BRCA2: variants seen among roughly 807,000 people sequenced by gnomAD.
BRCA2 encodes the protein breast cancer type 2 susceptibility protein.
BRCA2 carries 203 observed loss-of-function variants against 276.7 expected under a neutral mutation model. That is an observed-to-expected ratio of 0.73 (90% confidence interval 0.65 to 0.82). The LOEUF (loss-of-function observed/expected upper bound fraction) is 0.82, where lower values mean the gene tolerates loss of function less well. Among genes scored for constraint, BRCA2 ranks in the 40% least tolerant of loss-of-function variants. The pLI is 0.00. For synonymous variants in BRCA2, 1,289 were observed against 1,338.4 expected, an observed-to-expected ratio of 0.96 and a Z score of 0.81; for missense variants, 3,920 against 3,915.0, an observed-to-expected ratio of 1.00 and a Z score of -0.03.
chr13:32,324,037 A>G (rs758903874), intron 3 of BRCA2, among the ~76,000 whole-genome samples: 3 of 152,214 alleles, frequency 2.0e-5, no homozygotes, highest in Admixed American at 6.5e-5. Context: ...AATTATATCC[A>G]ATTTATTCAT....
intron 3 of BRCA2, among the ~76,000 whole-genome samples, chr13:32,322,422 C>T (rs2072312246): frequency 6.6e-6 from 1 of 152,154 alleles, no homozygotes; most frequent in African/African-American, 2.4e-5. Flanking sequence ...AGCATTGTTT[C>T]TATAGATTAT....
rs876659609 is a variant in BRCA2, at chr13:32,337,910, A to G, written c.3555A>G (p.Thr1185=). 1 of 1,614,150 alleles carries G rather than the reference A, an allele frequency of 6.2e-7. No individual in the cohort carries two copies. Among genetic ancestry groups the G allele is most frequent in the Non-Finnish European group, 8.5e-7 (1 of 1,179,978 alleles). Reference sequence around the variant, plus strand: ...ACAGCAGCAAGCAATTTGAAGGTACAGTTGAAATTAAACGGAAGTTTGCTG... The same window carrying G: ...ACAGCAGCAAGCAATTTGAAGGTACGGTTGAAATTAAACGGAAGTTTGCTG... ...QVDSSKQFEG[T]VEIKRKFAGL... is the part of the protein sequence containing the mutation. The change falls in exon 11 of 27, where the codon ACA becomes ACG. Residue 1185 remains threonine, a synonymous_variant. Transcript: ENST00000380152.
chr13:32,336,694 C>G lies in BRCA2; in HGVS notation c.2339C>G (p.Ser780Ter), dbSNP rs587781471. The G allele has an allele frequency of 6.2e-7, 1 of 1,613,782 alleles. No individual in the cohort carries two copies. The highest frequency in any genetic ancestry group is 2.2e-5 in the East Asian group (1 of 44,860). ...ILTPTSKDVL[S>*]NLVMISRGKE... ...ACTCCTACTTCCAAGGATGTTCTGT[C>G]AAACCTAGTCATGATTTCTAGAGGC... The change falls in exon 11 of 27, where the codon TCA becomes TGA. Residue 780 changes from serine (S) to a stop codon, truncating the protein, a stop_gained. Transcript: ENST00000380152. LOFTEE classifies it high-confidence loss of function.
At chr13:32,389,051 G>A (rs61946971) in intron 24 of BRCA2, among the ~76,000 whole-genome samples, 23 of 152,022 alleles carry the variant, frequency 1.5e-4, no homozygotes, top group Non-Finnish European at 2.9e-4. Context: ...TATTTTTAGT[G>A]TTTTCAGGCA....
chr13:32,343,274 A>G (rs1347133202), intron 11 of BRCA2, among the ~76,000 whole-genome samples: 1 of 152,138 alleles, frequency 6.6e-6, no homozygotes, highest in Non-Finnish European at 1.5e-5. Context: ...TCTGTTTGTT[A>G]GTTGCAATTA....
chr13:32,320,355 G>C (rs2072298465), intron 3 of BRCA2, among the ~76,000 whole-genome samples: 1 of 152,058 alleles, frequency 6.6e-6, no homozygotes, highest in African/African-American at 2.4e-5. Context: ...TTGTGATCAG[G>C]CCCCTGATTT....
In BRCA2 at chr13:32,337,135, T is replaced by C; in HGVS notation, c.2780T>C (p.Met927Thr). The change falls in exon 11 of 27, where the codon ATG becomes ACG. Residue 927 changes from methionine to threonine, a missense_variant. Around this residue, in one of 2 missense-constraint regions of BRCA2, gnomAD observed 3,263 missense variants for 3,156.9 expected, o/e 1.03. Transcript: ENST00000380152. ...GAACCCATTTTCAAGAACTCTACCA[T>C]GGTTTTATATGGAGACACAGGTGAT... ...VNEPIFKNST[M>T]VLYGDTGDKQ... The C allele has an allele frequency of 1.2e-6, 2 of 1,613,860 alleles. No individual in the cohort carries two copies. The highest frequency in any genetic ancestry group is 1.7e-6 in the Non-Finnish European group (2 of 1,179,900).
chr13:32,397,760 A>G (rs909378646), intron 26 of BRCA2, among the ~76,000 whole-genome samples: 3 of 152,202 alleles, frequency 2.0e-5, no homozygotes, highest in Non-Finnish European at 4.4e-5. Context: ...GAGGTTAAGC[A>G]ATTGCCTAAT....
Position 32,337,556 on chromosome 13 carries a change from T to C in BRCA2, c.3201T>C (p.Thr1067=), listed in dbSNP as rs763800682. 1.2e-6 allele frequency: 2 copies of C among 1,607,530 alleles called. No individual in the cohort carries two copies. Among genetic ancestry groups the C allele is most frequent in the Admixed American group, 1.7e-5 (1 of 59,154 alleles). The part of the protein sequence containing the change: ...KKLSKPQSIN[T]VSAHLQSSVV... Reference sequence around the variant, plus strand: ...TGAGCAAGCCTCAGTCAATTAATACTGTATCTGCACATTTACAGAGTAGTG... The same window carrying C: ...TGAGCAAGCCTCAGTCAATTAATACCGTATCTGCACATTTACAGAGTAGTG... Residue 1067 remains threonine (T), a synonymous_variant, in exon 11 of 27, where the codon ACT becomes ACC. Transcript: ENST00000380152.
At position 32,332,365 on chromosome 13, in the gene BRCA2, A is replaced by G. The variant is rs45457795; in HGVS notation, c.887A>G (p.Tyr296Cys). 6.7e-5 allele frequency: 107 copies of G among 1,596,910 alleles called. No homozygotes were observed. The highest frequency in any genetic ancestry group is 8.9e-5 in the Non-Finnish European group (104 of 1,171,102). ...SMPNVLEDEV[Y>C]ETVVDTSEED... is the part of the protein sequence containing the mutation. ...CCAAATGTCCTAGAAGATGAAGTAT[A>G]TGAAACAGTTGTAGATACCTCTGAA... Residue 296 changes from tyrosine (Y) to cysteine (C), a missense_variant, in exon 10 of 27, where the codon TAT (tyrosine) becomes TGT (cysteine). Around this residue, in one of 2 missense-constraint regions of BRCA2, gnomAD observed 3,263 missense variants for 3,156.9 expected, o/e 1.03. Coordinates refer to ENST00000380152, the MANE Select transcript of BRCA2 (RefSeq NM_000059.4).
intron 13 of BRCA2, among the ~76,000 whole-genome samples, chr13:32,353,015 A>G (rs1350228001): frequency 3.9e-5 from 6 of 152,366 alleles, no homozygotes; most frequent in East Asian, 1.9e-4. Context: ...AGATCAATCA[A>G]TAGAAGTTTG....
intron 13 of BRCA2, among the ~76,000 whole-genome samples, chr13:32,349,120 G>A (rs2072630105): frequency 6.6e-6 from 1 of 151,458 alleles, no homozygotes; most frequent in African/African-American, 2.4e-5. Context: ...TACTCCAGAG[G>A]CTGAGGCACA....
chr13:32,346,991 TAAG>T (rs1217592248), intron 13 of BRCA2, 95 bp downstream of exon 13: 10 of 936,192 alleles, frequency 1.1e-5, no homozygotes, highest in Admixed American at 2.4e-5. Flanking sequence ...ACACTAACGT[TAAG>T]AAGTTAACAC....
In BRCA2 at chr13:32,336,923, T is replaced by C. The variant is rs1166285186; in HGVS notation, c.2568T>C (p.Asn856=). ...SRKVQFNQNT[N]LRVIQKNQEE... ...AGGTACAATTCAACCAAAACACAAA[T>C]CTAAGAGTAATCCAAAAAAATCAAG... Residue 856 remains asparagine (N), a synonymous_variant, in exon 11 of 27, where the codon AAT becomes AAC. Transcript: ENST00000380152. 6.3e-7 allele frequency: 1 copy of C among 1,599,376 alleles called. No individual in the cohort carries two copies.
In BRCA2 at chr13:32,339,086, A is replaced by G. The variant is rs2137509579; in HGVS notation, c.4731A>G (p.Glu1577=). 1 of 1,614,040 alleles carries G rather than the reference A, an allele frequency of 6.2e-7. No homozygotes were observed. Among genetic ancestry groups the G allele is most frequent in the Non-Finnish European group, 8.5e-7 (1 of 1,179,914 alleles). Residue 1577 remains glutamate, a synonymous_variant, in exon 11 of 27, where the codon GAA becomes GAG. Coordinates refer to ENST00000380152, the MANE Select transcript of BRCA2 (RefSeq NM_000059.4). ...ACAGAGAGGCCTGTAAAGACCTTGAATTAGCATGTGAGACCATTGAGATCA... is the reference window on the plus strand; with the variant it reads ...ACAGAGAGGCCTGTAAAGACCTTGAGTTAGCATGTGAGACCATTGAGATCA... The part of the protein sequence containing the change: ...LKYREACKDL[E]LACETIEITA...
intron 18 of BRCA2, 43 bp downstream of exon 18, chr13:32,363,576 A>C (rs754950076): frequency 6.5e-7 from 1 of 1,541,654 alleles, no homozygotes; most frequent in South Asian, 1.1e-5. Context: ...TCATTGATTC[A>C]GTTAAATTCT....
In BRCA2 at chr13:32,396,982, A is replaced by G. The variant is rs80359228; in HGVS notation, c.9586A>G (p.Lys3196Glu). ...ANDPKWSTPT[K>E]DCTSGPYTAQ... The stretch of plus-strand genomic sequence containing the variant: ...TGATCCCAAGTGGTCCACCCCAACT[A>G]AAGACTGTACTTCAGGGCCGTACAC... Residue 3196 changes from lysine (K) to glutamate (E), a missense_variant, in exon 26 of 27, where the codon AAA becomes GAA. By Grantham distance (56) the Lys-to-Glu change is moderately conservative. Around this residue, in one of 2 missense-constraint regions of BRCA2, gnomAD observed 657 missense variants for 758.2 expected, o/e 0.87. Coordinates refer to ENST00000380152, the MANE Select transcript of BRCA2 (RefSeq NM_000059.4). The G allele has an allele frequency of 4.5e-5, 72 of 1,614,096 alleles. No homozygotes were observed. The Middle Eastern group carries it at 9.9e-4, about 22-fold the overall frequency.
chr13:32,377,492 A>T (rs192880750), intron 21 of BRCA2, among the ~76,000 whole-genome samples: 1 of 151,846 alleles, frequency 6.6e-6, no homozygotes, highest in Non-Finnish European at 1.5e-5. Flanking sequence ...CGGGAGGCTC[A>T]GGCAGGAGAA....
At position 32,332,762 on chromosome 13, in the gene BRCA2, A is replaced by G. The variant is rs34770647; in HGVS notation, c.1284A>G (p.Leu428=). 3.7e-6 allele frequency: 6 copies of G among 1,609,264 alleles called. No individual in the cohort carries two copies. The highest frequency in any genetic ancestry group is 3.4e-5 in the Admixed American group (2 of 58,806). ...ACCAAAATATTTCAGAAAAAGACCT[A>G]TTAGACACAGAGAACAAAAGAAAGA... is the stretch of plus-strand genomic sequence containing the variant. ...SCDQNISEKD[L]LDTENKRKKD... Residue 428 remains leucine (L), a synonymous_variant, in exon 10 of 27, where the codon CTA becomes CTG. Transcript: ENST00000380152.
Sources: allele counts gnomAD v4.1 joint callset (sites outside exome capture counted in the v4.1 genomes callset), GRCh38; gene constraint gnomAD v4.1.1; regional missense constraint gnomAD v4.1.1; transcripts MANE v1.5; gene names NCBI Gene and HGNC (gene_info 2026-07-23, HGNC 2026-07-21).